The following SPATA13 variants were observed in gnomAD, a reference collection of about 807,000 sequenced individuals.
SPATA13 encodes spermatogenesis associated 13, also known as spermatogenesis-associated protein 13.
Under a neutral mutation model 104.0 loss-of-function variants are expected in SPATA13, and 50 were observed. The ratio of observed to expected loss-of-function variants is 0.48; its 90% confidence interval spans 0.38 to 0.61. The LOEUF is 0.61. Among genes scored for constraint, SPATA13 ranks in the 20% least tolerant of loss-of-function variants. The pLI is 0.00. For synonymous variants in SPATA13, 606 were observed against 667.5 expected (o/e 0.91, Z 1.42); for missense variants, 1,524 against 1,690.6 (o/e 0.90, Z 1.73).
At chr13:24,129,695 T>C (rs1350913010) in intron 3 of SPATA13, among the ~76,000 whole-genome samples, 1 of 152,222 alleles carries the variant, frequency 6.6e-6, no homozygotes, top group Non-Finnish European at 1.5e-5. Flanking sequence ...TTAAATAGGC[T>C]GTGTACACCC....
chr13:23,982,774 G>A (rs1040837010), intron 1 of SPATA13, among the ~76,000 whole-genome samples: 3 of 152,182 alleles, frequency 2.0e-5, no homozygotes, highest in Non-Finnish European at 4.4e-5. Flanking sequence ...GTCAGACAGG[G>A]TCACCCAGAA....
intron 1 of SPATA13, among the ~76,000 whole-genome samples, chr13:24,192,944 C>G (rs973287894): frequency 3.3e-5 from 5 of 152,268 alleles, no homozygotes; most frequent in Middle Eastern, 3.4e-3. Context: ...CTTTCCTCCC[C>G]CTGCTGTTCT....
chr13:24,077,919 C>T (rs965541141), intron 3 of SPATA13, among the ~76,000 whole-genome samples: 1 of 152,184 alleles, frequency 6.6e-6, no homozygotes, highest in African/African-American at 2.4e-5. Flanking sequence ...ACATCCTTCT[C>T]TCTTGCAGGC....
chr13:24,237,598 G>T (rs1872629654), intron 2 of SPATA13, among the ~76,000 whole-genome samples: 1 of 152,090 alleles, frequency 6.6e-6, no homozygotes, highest in African/African-American at 2.4e-5. Flanking sequence ...AAAAAGTTCT[G>T]AAGATGGATG....
intron 3 of SPATA13, among the ~76,000 whole-genome samples, chr13:24,139,564 A>G (rs1881684267): frequency 1.3e-5 from 2 of 152,134 alleles, no homozygotes; most frequent in South Asian, 2.1e-4. Context: ...GTGTCCTCCA[A>G]ATTTTTAACT....
chr13:24,279,519 G>T (rs1031246630), intron 4 of SPATA13, among the ~76,000 whole-genome samples: 2 of 152,134 alleles, frequency 1.3e-5, no homozygotes. Context: ...AAGCTGGATG[G>T]GAACCCAGGC....
At chr13:24,232,094 G>C (rs2138628165) in intron 2 of SPATA13, among the ~76,000 whole-genome samples, 1 of 152,334 alleles carries the variant, frequency 6.6e-6, no homozygotes, top group South Asian at 2.1e-4. Flanking sequence ...TGTGATTAAG[G>C]CCAAGTACCA....
At position 24,252,955 on chromosome 13, in the gene SPATA13, C is replaced by T. The variant is rs143937104; in HGVS notation, c.2164+1093C>T. On this transcript the variant is annotated intron_variant, in intron 4 of 12. Transcript: ENST00000382108. The stretch of plus-strand genomic sequence containing the variant: ...GCACTTTATCTGGGTATCCAGTGAG[C>T]GCTTTGAAAATACAAAACATTTAAT... The T allele has an allele frequency of 4.6e-5, 7 of 152,266 alleles. 1 individual carries two copies. In the East Asian group the frequency reaches 1.4e-3, roughly 29 times the overall value. 9.4% of individuals were successfully genotyped at this position (152,266 alleles called of 1,614,324 possible).
At chr13:24,037,033 C>T (rs1877708955) in intron 3 of SPATA13, among the ~76,000 whole-genome samples, 1 of 152,002 alleles carries the variant, frequency 6.6e-6, no homozygotes, top group East Asian at 1.9e-4. Flanking sequence ...TTCAGTCTCC[C>T]AAAGTGCTGG....
chr13:24,266,938 T>C (rs1874326340), intron 4 of SPATA13, among the ~76,000 whole-genome samples: 2 of 152,284 alleles, frequency 1.3e-5, no homozygotes, highest in South Asian at 4.1e-4. Context: ...ATTATAGGTG[T>C]GAGCCACCAA....
chr13:23,982,413 A>G (rs1265594433), intron 1 of SPATA13, among the ~76,000 whole-genome samples: 2 of 152,228 alleles, frequency 1.3e-5, no homozygotes, highest in African/African-American at 4.8e-5. Flanking sequence ...CTGTGTCTTT[A>G]GAATTCTCTT....
chr13:24,099,649 C>T lies in SPATA13; in HGVS notation c.-112+81948C>T, dbSNP rs1369010482. Among the ~76,000 whole-genome samples, 4 of 152,268 alleles carry T rather than the reference C, an allele frequency of 2.6e-5. No individual in the cohort carries two copies. The East Asian group carries it at 7.7e-4, about 29-fold the overall frequency. On this transcript the variant is annotated intron_variant, in intron 3 of 14. Transcript: ENST00000424834. ...GTGTTTCCAGAGACCTACCAAGAGGCGGACCAGGCCCCTGGATGTAGCTGT... is the reference window on the plus strand; with the variant it reads ...GTGTTTCCAGAGACCTACCAAGAGGTGGACCAGGCCCCTGGATGTAGCTGT...
chr13:24,019,844 T>A (rs980013344), intron 3 of SPATA13, among the ~76,000 whole-genome samples: 3 of 152,220 alleles, frequency 2.0e-5, no homozygotes, highest in Admixed American at 6.5e-5. Flanking sequence ...GAGGTCACAT[T>A]AGCGTTCACA....
intron 3 of SPATA13, among the ~76,000 whole-genome samples, chr13:24,098,526 G>T (rs1395048295): frequency 6.6e-6 from 1 of 151,494 alleles, no homozygotes; most frequent in African/African-American, 2.4e-5. Context: ...GAGCCTGGAC[G>T]TTTGAGGCCG....
At chr13:24,025,592 A>G (rs1238362766) in intron 3 of SPATA13, among the ~76,000 whole-genome samples, 1 of 152,212 alleles carries the variant, frequency 6.6e-6, no homozygotes, top group Non-Finnish European at 1.5e-5. Context: ...AGTGGCATAT[A>G]CAACTTCCCT....
intron 1 of SPATA13, among the ~76,000 whole-genome samples, chr13:24,191,676 A>C (rs1458048827): frequency 6.6e-6 from 1 of 151,276 alleles, no homozygotes; most frequent in Non-Finnish European, 1.5e-5. Context: ...CACCCTGCTA[A>C]TTTTTTTGTA....
At chr13:24,179,434 T>G (rs938321444) in intron 1 of SPATA13, among the ~76,000 whole-genome samples, 2 of 152,226 alleles carry the variant, frequency 1.3e-5, no homozygotes, top group African/African-American at 4.8e-5. Flanking sequence ...TGATGTGTGC[T>G]ATTTAAAAAT....
rs906949237 is a variant in SPATA13, at chr13:24,088,505, G to A, written c.-112+70804G>A. Among the ~76,000 whole-genome samples the A allele has an allele frequency of 6.6e-6, 1 of 152,156 alleles. No individual in the cohort carries two copies. The highest frequency in any genetic ancestry group is 2.4e-5 in the African/African-American group (1 of 41,428). ...CTTAGGGAAACACTGGGCACCATGT[G>A]TTGATCGTTGGGTCCACAGCCCAAA... On this transcript the variant is annotated intron_variant, in intron 3 of 14. Transcript: ENST00000424834. The surrounding 1 kb of genome is among the most constrained non-coding windows in gnomAD (Gnocchi z 4.3).
Position 24,304,445 on chromosome 13 carries a change from A to G in SPATA13, c.*1672A>G, listed in dbSNP as rs1241517729. 1.3e-5 allele frequency: 2 copies of G among 151,758 alleles called. No individual in the cohort carries two copies. The highest frequency in any genetic ancestry group is 2.4e-5 in the African/African-American group (1 of 41,222). 9.4% of individuals were successfully genotyped at this position (151,758 alleles called of 1,614,324 possible). A position where few individuals can be genotyped will look rare whatever the true frequency, so the allele number is the denominator to read the frequency against. ...ATCTATATGAGAAGCTCATTTTTGT[A>G]TGCTATCCCTGCAGTTTTTTTTTTT... On this transcript the variant is annotated 3_prime_UTR_variant, in exon 13 of 13. Coordinates refer to ENST00000382108, the MANE Select transcript of SPATA13 (RefSeq NM_001166271.3).
Sources: gnomAD v4.1 joint callset for allele counts (sites outside exome capture counted in the v4.1 genomes callset) on GRCh38, gnomAD v4.1.1 for gene constraint, Gnocchi (gnomAD v3.1) non-coding constraint, MANE v1.5 for transcripts, NCBI Gene and HGNC (gene_info 2026-07-23, HGNC 2026-07-21) for gene names.